Variants in ACVR1 observed in about 807,000 individuals in gnomAD.
The protein encoded by ACVR1 is activin A receptor type 1, also known as activin receptor type-1.
Under a neutral mutation model 57.1 loss-of-function variants are expected in ACVR1, and 38 were observed. The observed-to-expected ratio is 0.67, with a 90% confidence interval of 0.51 to 0.87. The LOEUF (loss-of-function observed/expected upper bound fraction) is 0.87, where lower values mean the gene tolerates loss of function less well. Ranked by LOEUF, ACVR1 falls within the 40% of genes least tolerant of loss-of-function variation. The pLI, the probability that ACVR1 is intolerant of heterozygous loss-of-function variation, is 0.00. For synonymous variants in ACVR1, 212 were observed against 228.1 expected, an observed-to-expected ratio of 0.93 and a Z score of 0.63; for missense variants, 463 against 638.2, an observed-to-expected ratio of 0.73 and a Z score of 2.96.
At chr2:157,789,895 T>C (rs938336192) in intron 3 of ACVR1, among the ~76,000 whole-genome samples, 1 of 152,220 alleles carries the variant, frequency 6.6e-6, no homozygotes, top group African/African-American at 2.4e-5. Context: ...AGGAGACTTT[T>C]AGGAAAGCCT....
chr2:157,865,887 C>T (rs1051654553), intron 1 of ACVR1, among the ~76,000 whole-genome samples: 1 of 150,904 alleles, frequency 6.6e-6, no homozygotes, highest in African/African-American at 2.4e-5. Flanking sequence ...TTTCTGCAGG[C>T]GTGGGGATAT....
At position 157,774,081 on chromosome 2, in the gene ACVR1, G is replaced by T; in HGVS notation, c.643+7C>A. The T allele has an allele frequency of 6.2e-7, 1 of 1,612,342 alleles. No homozygotes were observed. The highest frequency in any genetic ancestry group is 8.5e-7 in the Non-Finnish European group (1 of 1,178,570). ...TTACCCACAAAGAAAGGAAAAAAAA[G>T]AATTACCGACACACTCCAACAGTGT... On this transcript the variant is annotated splice_region_variant and intron_variant, in intron 6 of 10. Transcript: ENST00000434821.
intron 9 of ACVR1, among the ~76,000 whole-genome samples, chr2:157,745,387 T>C (rs1684928912): frequency 6.6e-6 from 1 of 152,220 alleles, no homozygotes; most frequent in Non-Finnish European, 1.5e-5. Flanking sequence ...TATCATTCAC[T>C]GAATGTTGTG....
intron 1 of ACVR1, among the ~76,000 whole-genome samples, chr2:157,848,897 C>T (rs968152445): frequency 4.6e-5 from 7 of 151,994 alleles, no homozygotes; most frequent in African/African-American, 1.7e-4. Context: ...AAACAGCTGA[C>T]GAAGCTACAA....
At chr2:157,814,807 G>A (rs752192728) in intron 2 of ACVR1, among the ~76,000 whole-genome samples, 11 of 152,190 alleles carry the variant, frequency 7.2e-5, no homozygotes, top group Non-Finnish European at 1.5e-4. Context: ...GAATGCGCCC[G>A]ACACGGTGGG....
At chr2:157,751,877 G>A (rs1434471383) in intron 9 of ACVR1, among the ~76,000 whole-genome samples, 1 of 152,130 alleles carries the variant, frequency 6.6e-6, no homozygotes. Context: ...CATCCTGGTA[G>A]CTGAAGATAA....
chr2:157,758,425 CG>C (rs1163152246), intron 9 of ACVR1, among the ~76,000 whole-genome samples: 2 of 151,874 alleles, frequency 1.3e-5, no homozygotes, highest in African/African-American at 4.8e-5. Flanking sequence ...TTGTTGTTCA[CG>C]TGTGGTTGAA....
intron 1 of ACVR1, among the ~76,000 whole-genome samples, chr2:157,839,918 C>T (rs181713335): frequency 1.8e-4 from 27 of 152,310 alleles, no homozygotes; most frequent in Non-Finnish European, 3.5e-4. Flanking sequence ...CTCTCCTTCT[C>T]GGCAACAACT....
chr2:157,770,343 A>T, intron 7 of ACVR1, 25 bp downstream of exon 7: 1 of 1,613,452 alleles, frequency 6.2e-7, no homozygotes, highest in Non-Finnish European at 8.5e-7. Context: ...GATACAATTA[A>T]TGAGGGGGTT....
intron 3 of ACVR1, among the ~76,000 whole-genome samples, chr2:157,782,080 A>T (rs1686544019): frequency 6.6e-6 from 1 of 152,196 alleles, no homozygotes; most frequent in Non-Finnish European, 1.5e-5. Flanking sequence ...GGTCTTTGAA[A>T]ATGTCAAGTT....
chr2:157,865,519 C>CGGTGG (rs1400922412), intron 1 of ACVR1, among the ~76,000 whole-genome samples: 10 of 152,156 alleles, frequency 6.6e-5, no homozygotes, highest in African/African-American at 2.4e-4. Context: ...AGGCAGGGCG[C>CGGTGG]GGTGGTTCAC....
At chr2:157,813,693 G>A (rs957946552) in intron 2 of ACVR1, among the ~76,000 whole-genome samples, 7 of 152,218 alleles carry the variant, frequency 4.6e-5, no homozygotes, top group Non-Finnish European at 8.8e-5. Flanking sequence ...ATCAGTGGAT[G>A]TGGGAGGTTC....
chr2:157,756,937 GCTAT>G (rs891262909), intron 9 of ACVR1, among the ~76,000 whole-genome samples: 5 of 147,326 alleles, frequency 3.4e-5, no homozygotes, highest in African/African-American at 7.5e-5. Flanking sequence ...GAAATTGTGA[GCTAT>G]CTATCTATCT....
intron 1 of ACVR1, among the ~76,000 whole-genome samples, chr2:157,853,891 T>C (rs977445327): frequency 6.6e-6 from 1 of 152,222 alleles, no homozygotes; most frequent in African/African-American, 2.4e-5. Context: ...TAACTTCTAC[T>C]TATTCTTCAA....
intron 9 of ACVR1, among the ~76,000 whole-genome samples, chr2:157,740,144 C>A (rs904698718): frequency 1.4e-4 from 21 of 151,428 alleles, no homozygotes; most frequent in Non-Finnish European, 2.1e-4. Flanking sequence ...AAGATCAGAC[C>A]ACTGCACTCC....
At chr2:157,777,921 C>T (rs1229730546) in intron 5 of ACVR1, among the ~76,000 whole-genome samples, 3 of 152,156 alleles carry the variant, frequency 2.0e-5, no homozygotes, top group Admixed American at 6.5e-5. Flanking sequence ...TAAATCCCAT[C>T]CCTTATTTAA....
intron 1 of ACVR1, among the ~76,000 whole-genome samples, chr2:157,819,881 A>C (rs1404576825): frequency 1.3e-5 from 2 of 152,266 alleles, no homozygotes; most frequent in African/African-American, 2.4e-5. Flanking sequence ...TCAAATAGTT[A>C]AGTAACACAA....
intron 3 of ACVR1, 24 bp from the exon 4 acceptor site, chr2:157,780,624 GAAAA>G (rs77640967): frequency 5.7e-6 from 7 of 1,229,148 alleles, no homozygotes; most frequent in South Asian, 1.4e-5. Flanking sequence ...AAAGGAAGGG[GAAAA>G]AAAAAAAAAA....
intron 9 of ACVR1, among the ~76,000 whole-genome samples, chr2:157,747,347 C>T (rs936289482): frequency 1.3e-5 from 2 of 152,108 alleles, no homozygotes; most frequent in African/African-American, 4.8e-5. Context: ...TACTTATTTT[C>T]AGATTAAGAA....
Sources: allele counts gnomAD v4.1 joint callset (sites outside exome capture counted in the v4.1 genomes callset), GRCh38; gene constraint gnomAD v4.1.1; transcripts MANE v1.5; gene names NCBI Gene and HGNC (gene_info 2026-07-23, HGNC 2026-07-21).